BFSP2: variants seen among roughly 807,000 people sequenced by gnomAD.
BFSP2 encodes the protein beaded filament structural protein 2.
BFSP2 carries 38 observed loss-of-function variants against 44.9 expected under a neutral mutation model. That is an observed-to-expected ratio of 0.85 (90% CI 0.65 to 1.11). BFSP2 has a LOEUF of 1.11. Ranked by LOEUF, BFSP2 falls within the 50% of genes least tolerant of loss-of-function variation. BFSP2 has a pLI of 0.00. For missense variants in BFSP2, 525 were observed against 533.0 expected (o/e 0.99, Z 0.15); for synonymous variants, 197 against 209.9 (o/e 0.94, Z 0.53).
intron 5 of BFSP2, 35 bp downstream of exon 5, chr3:133,466,994 G>A (rs776070388): frequency 6.2e-7 from 1 of 1,609,672 alleles, no homozygotes; most frequent in Non-Finnish European, 8.5e-7. Flanking sequence ...GTGTCCTTGT[G>A]CTAATTTTAA....
chr3:133,448,777 A>T (rs1399572300), intron 3 of BFSP2, 132 bp downstream of exon 3: 17 of 1,205,196 alleles, frequency 1.4e-5, no homozygotes, highest in Non-Finnish European at 2.0e-5. Flanking sequence ...TGCAGGGAAC[A>T]TACCTGTAAA....
intron 1 of BFSP2, chr3:133,410,514 A>C (rs2073441823): frequency 3.6e-6 from 1 of 276,770 alleles, no homozygotes; most frequent in Admixed American, 4.0e-5. Context: ...TCAGCATAGC[A>C]AGGAATATCA....
At chr3:133,431,086 C>T (rs913425087) in intron 1 of BFSP2, among the ~76,000 whole-genome samples, 2 of 38,692 alleles carry the variant, frequency 5.2e-5, no homozygotes, top group Admixed American at 4.1e-4. Context: ...ATGGTTCGTT[C>T]GGCAGCAACC....
chr3:133,432,166 C>T (rs999484919), intron 1 of BFSP2, among the ~76,000 whole-genome samples: 1 of 152,204 alleles, frequency 6.6e-6, no homozygotes, highest in African/African-American at 2.4e-5. Flanking sequence ...CCTGCTACAG[C>T]ATGGGCTTCT....
intron 3 of BFSP2, 174 bp downstream of exon 3, chr3:133,448,819 AC>A: frequency 1.2e-6 from 1 of 824,950 alleles, no homozygotes; most frequent in Non-Finnish European, 1.9e-6. Context: ...GGGTCAGGTT[AC>A]CCCAGCAGTC....
chr3:133,413,737 G>C (rs1002545763), intron 1 of BFSP2, among the ~76,000 whole-genome samples: 2 of 152,020 alleles, frequency 1.3e-5, no homozygotes, highest in Non-Finnish European at 2.9e-5. Flanking sequence ...CAGTCCTCAG[G>C]AGGGAGTGAA....
Position 133,400,222 on chromosome 3 carries a change from A to G in BFSP2, c.139A>G (p.Met47Val), listed in dbSNP as rs1576552682. 2 of 1,614,018 alleles carry G rather than the reference A, an allele frequency of 1.2e-6. No homozygotes were observed. The highest frequency in any genetic ancestry group is 2.2e-5 in the East Asian group (1 of 44,870). The stretch of plus-strand genomic sequence containing the variant: ...CCCCCCAGCCTCCAGGACCAATGCC[A>G]TGAGTGGCCTTGTCCGAGCACCCGG... Reference protein sequence around the residue: ...ESPPASRTNAMSGLVRAPGVY... With the variant: ...ESPPASRTNAVSGLVRAPGVY... Residue 47 changes from methionine to valine, a missense_variant, in exon 1 of 7, where the codon ATG (methionine) becomes GTG (valine). Transcript: ENST00000302334. The surrounding 1 kb of genome is among the most constrained non-coding windows in gnomAD (Gnocchi z 4.0).
chr3:133,465,703 C>A (rs1306445329), intron 4 of BFSP2, among the ~76,000 whole-genome samples: 1 of 152,206 alleles, frequency 6.6e-6, no homozygotes, highest in Non-Finnish European at 1.5e-5. Flanking sequence ...AGTTGGATAA[C>A]TCCTGGTTTG....
intron 6 of BFSP2, among the ~76,000 whole-genome samples, chr3:133,473,757 G>A (rs894316799): frequency 3.4e-4 from 51 of 152,004 alleles, no homozygotes; most frequent in South Asian, 1.7e-3. Flanking sequence ...ACATGTTTCA[G>A]AGAGCACAGG....
intron 1 of BFSP2, among the ~76,000 whole-genome samples, chr3:133,416,013 T>C (rs1576562621): frequency 4.2e-5 from 4 of 94,540 alleles, no homozygotes; most frequent in Non-Finnish European, 6.3e-5. Flanking sequence ...ATTCACCCCG[T>C]CCTCTCCCCT....
At chr3:133,467,033 G>A in intron 5 of BFSP2, 74 bp downstream of exon 5, 1 of 1,585,950 alleles carries the variant, frequency 6.3e-7, no homozygotes, top group Non-Finnish European at 8.6e-7. Flanking sequence ...CAGTATTATG[G>A]ATCTTAGTTT....
intron 1 of BFSP2, among the ~76,000 whole-genome samples, chr3:133,439,278 T>A (rs1199042260): frequency 6.6e-6 from 1 of 152,282 alleles, no homozygotes; most frequent in Non-Finnish European, 1.5e-5. Context: ...ATTTGTTCTG[T>A]ACCTCTATTT....
At chr3:133,473,297 C>T (rs1356272466) in intron 6 of BFSP2, among the ~76,000 whole-genome samples, 4 of 152,016 alleles carry the variant, frequency 2.6e-5, no homozygotes, top group Non-Finnish European at 2.9e-5. Context: ...AGGACTCAAG[C>T]TCTTTTCATC....
chr3:133,407,214 C>A (rs530324732), intron 1 of BFSP2, among the ~76,000 whole-genome samples: 4 of 151,988 alleles, frequency 2.6e-5, no homozygotes, highest in Non-Finnish European at 5.9e-5. Flanking sequence ...AGGGCCATCT[C>A]AAAACAAATA....
At chr3:133,442,709 C>T (rs903302361) in intron 1 of BFSP2, among the ~76,000 whole-genome samples, 29 of 152,078 alleles carry the variant, frequency 1.9e-4, no homozygotes, top group African/African-American at 7.0e-4. Flanking sequence ...ATTGACTAGA[C>T]TCAGTGATAA....
chr3:133,406,822 T>G (rs529382917), intron 1 of BFSP2, among the ~76,000 whole-genome samples: 1 of 152,282 alleles, frequency 6.6e-6, no homozygotes, highest in East Asian at 1.9e-4. Flanking sequence ...AAAAATTTGG[T>G]CTTTCTGGAA....
chr3:133,475,033 T>C lies in BFSP2; in HGVS notation c.*61T>C. 1.2e-6 allele frequency: 2 copies of C among 1,603,818 alleles called. No individual in the cohort carries two copies. The highest frequency in any genetic ancestry group is 4.5e-5 in the East Asian group (2 of 44,822). On this transcript the variant is annotated 3_prime_UTR_variant, in exon 7 of 7. Transcript: ENST00000302334. ...CTTCCTCAACAGCTGACCCAAGAAG[T>C]TGCTTGAGGAGCTTTCTCCTGAGCT...
chr3:133,418,020 CT>C (rs1260322579), intron 1 of BFSP2, among the ~76,000 whole-genome samples: 3 of 146,910 alleles, frequency 2.0e-5, no homozygotes, highest in Admixed American at 6.7e-5. Flanking sequence ...CTACTCACCC[CT>C]GTCCTCTCCC....
At chr3:133,456,882 T>C (rs1305464714) in intron 4 of BFSP2, among the ~76,000 whole-genome samples, 4 of 152,210 alleles carry the variant, frequency 2.6e-5, no homozygotes, top group African/African-American at 4.8e-5. Context: ...ACGAGGAGAA[T>C]AGAAACCTTG....
Sources: allele counts gnomAD v4.1 joint callset (sites outside exome capture counted in the v4.1 genomes callset), GRCh38; gene constraint gnomAD v4.1.1; non-coding constraint Gnocchi (gnomAD v3.1); transcripts MANE v1.5; gene names NCBI Gene and HGNC (gene_info 2026-07-23, HGNC 2026-07-21).